The following EHD1 variants were observed in gnomAD, a reference collection of about 807,000 sequenced individuals.
EHD1 encodes EH domain containing 1, also known as EH domain-containing protein 1.
Under a neutral mutation model 39.0 loss-of-function variants are expected in EHD1, and 19 were observed. That is an observed-to-expected ratio of 0.49 (90% CI 0.34 to 0.72). The LOEUF (loss-of-function observed/expected upper bound fraction) is 0.72. Ranked by LOEUF, EHD1 falls within the 30% of genes least tolerant of loss-of-function variation. EHD1 has a pLI of 0.01. For missense variants in EHD1, 542 were observed against 751.5 expected, an observed-to-expected ratio of 0.72 and a Z score of 3.26; for synonymous variants, 323 against 331.2, an observed-to-expected ratio of 0.98 and a Z score of 0.27.
intron 3 of EHD1, among the ~76,000 whole-genome samples, chr11:64,859,336 A>G (rs753532839): frequency 6.6e-6 from 1 of 152,152 alleles, no homozygotes; most frequent in Non-Finnish European, 1.5e-5. Context: ...CCTGGCCAAC[A>G]TGGTGAAACC....
rs1255545129 is a variant in EHD1 at position 64,854,305 on chromosome 11, C to T, written c.*28G>A. 1.3e-6 allele frequency: 2 copies of T among 1,573,636 alleles called. No individual in the cohort carries two copies. Among genetic ancestry groups the T allele is most frequent in the African/African-American group, 1.3e-5 (1 of 74,274 alleles). On this transcript the variant is annotated 3_prime_UTR_variant, in exon 5 of 5. Coordinates refer to ENST00000320631, the MANE Select transcript of EHD1 (RefSeq NM_006795.4). ...CGTCTCTGCCTCCCGGCCGGGCGTG[C>T]AAATGGCAGGTGCGGGGCCGGGCGC... is the stretch of plus-strand genomic sequence containing the variant.
In EHD1 at chr11:64,853,198, CCTT is replaced by C. The variant is rs1943601596; in HGVS notation, c.*1132_*1134del. 6.6e-6 allele frequency: 1 copy of C among 152,366 alleles called. No homozygotes were observed. The highest frequency in any genetic ancestry group is 1.5e-5 in the Non-Finnish European group (1 of 68,122). 9.4% of individuals were successfully genotyped at this position (152,366 alleles called of 1,614,324 possible). The stretch of plus-strand genomic sequence containing the variant: ...TAAGGACATCCAAGTGAGCTGCCCT[CCTT>C]TGCTAAACAGAGGAGGAAGGAAGGT... On this transcript the variant is annotated 3_prime_UTR_variant, in exon 5 of 5. Coordinates refer to ENST00000320631, the MANE Select transcript of EHD1 (RefSeq NM_006795.4).
chr11:64,860,425 G>T, intron 2 of EHD1, 89 bp from the exon 3 acceptor site: 1 of 1,471,094 alleles, frequency 6.8e-7, no homozygotes, highest in Non-Finnish European at 9.0e-7. Context: ...GTATTTCTCA[G>T]CCTGAGATAG....
At chr11:64,872,001 T>C (rs1161441058) in intron 2 of EHD1, among the ~76,000 whole-genome samples, 15 of 151,896 alleles carry the variant, frequency 9.9e-5, no homozygotes, top group Admixed American at 9.8e-4. Flanking sequence ...AGACAGCCAG[T>C]GTAGACACCT....
At chr11:64,861,571 G>A (rs988043251) in intron 2 of EHD1, among the ~76,000 whole-genome samples, 5 of 152,014 alleles carry the variant, frequency 3.3e-5, no homozygotes, top group Non-Finnish European at 5.9e-5. Context: ...TGCAACAAGG[G>A]TTGGCAAACT....
At chr11:64,870,997 C>A (rs1020157141) in intron 2 of EHD1, among the ~76,000 whole-genome samples, 1 of 152,216 alleles carries the variant, frequency 6.6e-6, no homozygotes, top group Non-Finnish European at 1.5e-5. Context: ...TGCATCCTGA[C>A]TGCTTTGGGC....
chr11:64,859,400 A>G (rs1050833247), intron 3 of EHD1, among the ~76,000 whole-genome samples: 3 of 152,142 alleles, frequency 2.0e-5, no homozygotes, highest in African/African-American at 7.2e-5. Context: ...CGTGCCTGTG[A>G]TCCCAGCTAC....
chr11:64,855,556 A>G, intron 3 of EHD1, 70 bp from the exon 4 acceptor site: 1 of 1,599,894 alleles, frequency 6.3e-7, no homozygotes, highest in Non-Finnish European at 8.5e-7. Context: ...GCCTCCAAGG[A>G]CACTCCAAGG....
intron 1 of EHD1, among the ~76,000 whole-genome samples, chr11:64,877,240 T>C (rs918417902): frequency 2.0e-5 from 3 of 152,190 alleles, no homozygotes; most frequent in Non-Finnish European, 4.4e-5. Flanking sequence ...GCGGGAGCAC[T>C]GTGTTTCATT....
At chr11:64,855,583 G>C (rs1343210052) in intron 3 of EHD1, 97 bp from the exon 4 acceptor site, 1 of 1,555,668 alleles carries the variant, frequency 6.4e-7, no homozygotes, top group South Asian at 1.1e-5. Context: ...CAAGGTGCTC[G>C]CTCAGGAACA....
At chr11:64,860,386 C>G (rs1056427086) in intron 2 of EHD1, 50 bp from the exon 3 acceptor site, 2 of 1,562,812 alleles carry the variant, frequency 1.3e-6, no homozygotes, top group Non-Finnish European at 1.7e-6. Flanking sequence ...ACCTGCTGCT[C>G]TGATGGCTCT....
intron 3 of EHD1, among the ~76,000 whole-genome samples, chr11:64,858,858 A>G (rs1245612008): frequency 1.3e-5 from 2 of 152,216 alleles, no homozygotes; most frequent in Non-Finnish European, 2.9e-5. Context: ...GGCTGCTGAT[A>G]GGTGCCACCA....
At position 64,878,224 on chromosome 11, in the gene EHD1, G is replaced by A; in HGVS notation, c.241C>T (p.Gln81Ter). 6.2e-7 allele frequency: 1 copy of A among 1,613,524 alleles called. No individual in the cohort carries two copies. The highest frequency in any genetic ancestry group is 8.5e-7 in the Non-Finnish European group (1 of 1,179,502). Residue 81 changes from glutamine to a stop codon, truncating the protein, a stop_gained, in exon 1 of 5, where the codon CAG becomes TAG. Coordinates refer to ENST00000320631, the MANE Select transcript of EHD1 (RefSeq NM_006795.4). LOFTEE classifies it high-confidence loss of function. ...CCGATGCGCATCCCCGGGAAGTCCT[G>A]CTCGATCAGGTGTCGGATGAAGGTG... ...KTTFIRHLIE[Q>*]DFPGMRIGPE...
intron 2 of EHD1, 93 bp downstream of exon 2, chr11:64,874,328 A>G: frequency 8.8e-7 from 1 of 1,131,254 alleles, no homozygotes; most frequent in Non-Finnish European, 1.2e-6. Flanking sequence ...AAAAGGAGAA[A>G]TCTCAAGGGC....
chr11:64,856,833 GT>G (rs369828953), intron 3 of EHD1, among the ~76,000 whole-genome samples: 221 of 152,338 alleles, frequency 1.5e-3, no homozygotes, highest in African/African-American at 4.8e-3. Flanking sequence ...AGGCCACAGG[GT>G]TTTCCAGGCG....
chr11:64,859,306 G>C (rs1231658203), intron 3 of EHD1, among the ~76,000 whole-genome samples: 2 of 152,160 alleles, frequency 1.3e-5, no homozygotes, highest in Non-Finnish European at 2.9e-5. Flanking sequence ...GATCACCTGA[G>C]ATCAGGAGTT....
At chr11:64,876,401 G>A (rs1943886023) in intron 1 of EHD1, among the ~76,000 whole-genome samples, 1 of 152,206 alleles carries the variant, frequency 6.6e-6, no homozygotes, top group Non-Finnish European at 1.5e-5. Context: ...CTTTCGGCAG[G>A]GCCATCAGTG....
Position 64,854,180 on chromosome 11 carries a change from C to CT in EHD1, c.*152_*153insA, listed in dbSNP as rs1943615879. The CT allele has an allele frequency of 2.3e-6, 3 of 1,320,008 alleles. No homozygotes were observed. The allele number at this position is 1,320,008 out of a possible 1,614,324, so 81.8% of individuals were successfully genotyped here. A position where few individuals can be genotyped will look rare whatever the true frequency, so the allele number is the denominator to read the frequency against. On this transcript the variant is annotated 3_prime_UTR_variant, in exon 5 of 5. Coordinates refer to ENST00000320631, the MANE Select transcript of EHD1 (RefSeq NM_006795.4). The stretch of plus-strand genomic sequence containing the variant: ...CTGCCTCCCCCGCCAGGCCCAGGAA[C>CT]AGCCTTAAAAGAAAGATGGTGGTTT...
At chr11:64,858,508 C>G (rs1943678539) in intron 3 of EHD1, among the ~76,000 whole-genome samples, 1 of 152,140 alleles carries the variant, frequency 6.6e-6, no homozygotes, top group Admixed American at 6.5e-5. Flanking sequence ...TCTGAAACAA[C>G]CGAGCCCTGT....
Sources: gnomAD v4.1 joint callset for allele counts (sites outside exome capture counted in the v4.1 genomes callset) on GRCh38, gnomAD v4.1.1 for gene constraint, MANE v1.5 for transcripts, NCBI Gene and HGNC (gene_info 2026-07-23, HGNC 2026-07-21) for gene names.